Variants in ATG7 observed in about 807,000 individuals in gnomAD.
The protein encoded by ATG7 is ubiquitin-like modifier-activating enzyme ATG7.
Under a neutral mutation model 82.4 loss-of-function variants are expected in ATG7, and 70 were observed. The observed-to-expected ratio is 0.85, with a 90% CI of 0.70 to 1.04. The LOEUF (loss-of-function observed/expected upper bound fraction) is 1.04. ATG7 is among the 50% of genes least tolerant of loss of function. The pLI, the probability that ATG7 is intolerant of heterozygous loss-of-function variation, is 0.00. For synonymous variants in ATG7, 287 were observed against 313.0 expected (o/e 0.92, Z 0.88); for missense variants, 792 against 864.3 (o/e 0.92, Z 1.05).
chr3:11,532,223 G>A (rs999521809), intron 20 of ATG7, among the ~76,000 whole-genome samples: 6 of 152,164 alleles, frequency 3.9e-5, no homozygotes, highest in African/African-American at 1.4e-4. Context: ...ATTTATTGAT[G>A]CAATGCACCA....
At chr3:11,276,818 G>T (rs1252314001) in intron 1 of ATG7, among the ~76,000 whole-genome samples, 1 of 151,838 alleles carries the variant, frequency 6.6e-6, no homozygotes. Context: ...CTTTTCAACC[G>T]CAGCTTCAAA....
intron 20 of ATG7, among the ~76,000 whole-genome samples, chr3:11,498,164 T>C (rs535248669): frequency 1.3e-5 from 2 of 152,308 alleles, no homozygotes; most frequent in South Asian, 4.1e-4. Flanking sequence ...TATACATACA[T>C]ACATACATAT....
At chr3:11,490,394 C>T (rs1381301203) in intron 20 of ATG7, among the ~76,000 whole-genome samples, 1 of 152,188 alleles carries the variant, frequency 6.6e-6, no homozygotes, top group Non-Finnish European at 1.5e-5. Flanking sequence ...TTCCTGAATA[C>T]AGCACACTGA....
intron 20 of ATG7, among the ~76,000 whole-genome samples, chr3:11,476,081 T>C (rs540559257): frequency 4.3e-4 from 66 of 152,306 alleles, no homozygotes; most frequent in African/African-American, 1.5e-3. Flanking sequence ...CTAGGGTGTT[T>C]ATGTGTGCAC....
chr3:11,376,273 G>C lies in ATG7; in HGVS notation c.1876-3699G>C, dbSNP rs565013360. ...AGATAGTGATGATGGTTGCAAAACT[G>C]TTCATATACTAAAAACCACTGAGCT... On this transcript the variant is annotated intron_variant, in intron 18 of 20. Transcript: ENST00000693202. Among the ~76,000 whole-genome samples, 18 of 152,298 alleles carry C rather than the reference G, an allele frequency of 1.2e-4. No individual in the cohort carries two copies. In the South Asian group the frequency reaches 3.5e-3, roughly 30 times the overall value.
intron 20 of ATG7, among the ~76,000 whole-genome samples, chr3:11,542,907 C>G (rs1027458317): frequency 6.6e-6 from 1 of 152,194 alleles, no homozygotes; most frequent in African/African-American, 2.4e-5. Flanking sequence ...AGACTCCTAG[C>G]TCCTTGTCAG....
At chr3:11,530,688 T>A (rs1016489242) in intron 20 of ATG7, among the ~76,000 whole-genome samples, 4 of 152,090 alleles carry the variant, frequency 2.6e-5, no homozygotes, top group Admixed American at 2.6e-4. Flanking sequence ...AAATAATAAT[T>A]TCCACGTTCT....
chr3:11,527,065 G>GTT (rs1302627223), intron 20 of ATG7, among the ~76,000 whole-genome samples: 1 of 97,484 alleles, frequency 1.0e-5, no homozygotes, highest in Non-Finnish European at 2.1e-5. Context: ...GTGTGTGTGT[G>GTT]TGTGTGTATA....
chr3:11,478,285 C>T (rs1290042484), intron 20 of ATG7, among the ~76,000 whole-genome samples: 1 of 152,192 alleles, frequency 6.6e-6, no homozygotes, highest in Non-Finnish European at 1.5e-5. Flanking sequence ...CTCTATCTCT[C>T]TTTTAGAAAC....
intron 1 of ATG7, among the ~76,000 whole-genome samples, chr3:11,274,280 T>A (rs753323418): frequency 5.4e-4 from 82 of 152,318 alleles, no homozygotes; most frequent in South Asian, 2.1e-3. Context: ...ATGAGTAAGA[T>A]ACACATCCCT....
chr3:11,433,320 C>T lies in ATG7; in HGVS notation c.2079+6394C>T, dbSNP rs952550730. Among the ~76,000 whole-genome samples, 25 of 140,220 alleles carry T rather than the reference C, an allele frequency of 1.8e-4. 3 individuals are homozygous for T. Among genetic ancestry groups the T allele is most frequent in the Admixed American group, 1.4e-3 (19 of 13,884 alleles). 92.0% of individuals were successfully genotyped at this position (140,220 alleles called of 152,430 possible). ...AAAAAAAAAAAAAAAAAAAAAGCTG[C>T]GTTTGTTGAAGAAATGCTCAGTCTA... On this transcript the variant is annotated intron_variant, in intron 20 of 20. Transcript: ENST00000693202.
chr3:11,348,171 C>T, intron 14 of ATG7, 136 bp downstream of exon 14: 1 of 1,206,680 alleles, frequency 8.3e-7, no homozygotes, highest in Non-Finnish European at 1.1e-6. Context: ...GTGGCTGAAC[C>T]TCTGTTTCCT....
intron 20 of ATG7, among the ~76,000 whole-genome samples, chr3:11,534,493 C>T (rs537291387): frequency 6.6e-6 from 1 of 152,356 alleles, no homozygotes; most frequent in South Asian, 2.1e-4. Context: ...GAGGAGAGGA[C>T]ACCTCCCCAG....
At chr3:11,292,254 C>CTTT (rs57610397) in intron 3 of ATG7, among the ~76,000 whole-genome samples, 1 of 138,850 alleles carries the variant, frequency 7.2e-6, no homozygotes. Context: ...TTCTTTCTTT[C>CTTT]TTTTTTTTTT....
At chr3:11,522,986 T>C (rs917714090) in intron 20 of ATG7, among the ~76,000 whole-genome samples, 7 of 152,164 alleles carry the variant, frequency 4.6e-5, no homozygotes, top group African/African-American at 1.7e-4. Context: ...ATCTGTAAAA[T>C]GGACACAATG....
rs149943158 is a variant in ATG7, at chr3:11,340,687, G to C, written c.932G>C (p.Gly311Ala). 1 of 1,613,808 alleles carries C rather than the reference G, an allele frequency of 6.2e-7. No individual in the cohort carries two copies. The highest frequency in any genetic ancestry group is 8.5e-7 in the Non-Finnish European group (1 of 1,179,846). Residue 311 changes from glycine (G) to alanine (A), a missense_variant, in exon 12 of 21, where the codon GGC (glycine) becomes GCC (alanine). Gly to Ala is a moderately conservative substitution (Grantham distance 60, BLOSUM62 0). Coordinates refer to ENST00000693202, the MANE Select transcript of ATG7 (RefSeq NM_001349232.2). ...AVGWEKNQKG[G>A]MGPRMVNLSE... ...GGATGGGAAAAGAACCAGAAAGGAG[G>C]CATGGGACCAAGGATGGTGAACCTC...
At chr3:11,373,551 T>G (rs536662390) in intron 18 of ATG7, among the ~76,000 whole-genome samples, 10 of 152,336 alleles carry the variant, frequency 6.6e-5, no homozygotes, top group African/African-American at 2.4e-4. Flanking sequence ...CAGGGGCTTC[T>G]TCTGATGAGG....
At chr3:11,423,323 C>T (rs929801327) in intron 19 of ATG7, among the ~76,000 whole-genome samples, 1 of 152,148 alleles carries the variant, frequency 6.6e-6, no homozygotes, top group African/African-American at 2.4e-5. Flanking sequence ...CCACTGATCA[C>T]AGATCACCAC....
chr3:11,487,467 A>T (rs1404687795), intron 20 of ATG7, among the ~76,000 whole-genome samples: 2 of 68,022 alleles, frequency 2.9e-5, no homozygotes, highest in East Asian at 7.8e-4. Flanking sequence ...CGGGGGGCTG[A>T]CCCCCCAACC....
Sources: gnomAD v4.1 joint callset for allele counts (sites outside exome capture counted in the v4.1 genomes callset) on GRCh38, gnomAD v4.1.1 for gene constraint, MANE v1.5 for transcripts, NCBI Gene and HGNC (gene_info 2026-07-23, HGNC 2026-07-21) for gene names.